Variants in NRXN1 observed in about 807,000 individuals in gnomAD.
NRXN1 encodes neurexin 1, also known as neurexin-1.
Under a neutral mutation model 150.9 loss-of-function variants are expected in NRXN1, and 39 were observed. The observed-to-expected ratio is 0.26, with a 90% CI of 0.20 to 0.34. NRXN1 has a LOEUF of 0.34. NRXN1 is among the 10% of genes least tolerant of loss of function. The pLI is 1.00. For missense variants in NRXN1, 1,815 were observed against 1,949.9 expected (o/e 0.93, Z 1.30); for synonymous variants, 924 against 757.0 (o/e 1.22, Z -3.62).
intron 21 of NRXN1, chr2:50,016,355 T>C (rs1266961259): frequency 6.6e-6 from 1 of 152,160 alleles, no homozygotes; most frequent in Non-Finnish European, 1.5e-5. Flanking sequence ...GGAACTCAAA[T>C]AGGAGAAATG....
chr2:50,582,858 C>A (rs866366733), intron 8 of NRXN1, among the ~76,000 whole-genome samples: 2 of 152,086 alleles, frequency 1.3e-5, no homozygotes, highest in Non-Finnish European at 1.5e-5. Flanking sequence ...CTATCAGAAC[C>A]AGTCCCACGT....
intron 18 of NRXN1, among the ~76,000 whole-genome samples, chr2:50,141,857 T>C (rs1468652551): frequency 6.6e-6 from 1 of 152,062 alleles, no homozygotes; most frequent in Non-Finnish European, 1.5e-5. Context: ...TTGGTGGGGA[T>C]GTAAATTAGT....
At chr2:50,896,248 T>C (rs1681937608) in intron 5 of NRXN1, among the ~76,000 whole-genome samples, 1 of 152,102 alleles carries the variant, frequency 6.6e-6, no homozygotes, top group Non-Finnish European at 1.5e-5. Context: ...ATAACTCAGA[T>C]ATTATGGGAA....
intron 17 of NRXN1, among the ~76,000 whole-genome samples, chr2:50,463,591 C>T (rs909900743): frequency 6.6e-6 from 1 of 151,732 alleles, no homozygotes; most frequent in Admixed American, 6.6e-5. Flanking sequence ...AGTACTATCA[C>T]CCAAGAGCAG....
intron 18 of NRXN1, among the ~76,000 whole-genome samples, chr2:50,145,725 A>C (rs1300883462): frequency 6.6e-6 from 1 of 151,616 alleles, no homozygotes; most frequent in Non-Finnish European, 1.5e-5. Flanking sequence ...TACATCTTGG[A>C]GTCAGAAGAT....
At chr2:50,119,390 C>A (rs181308519) in intron 18 of NRXN1, among the ~76,000 whole-genome samples, 2 of 151,784 alleles carry the variant, frequency 1.3e-5, no homozygotes, top group Admixed American at 6.6e-5. Context: ...TAAGGAGATA[C>A]GTAAGTGTGG....
intron 5 of NRXN1, among the ~76,000 whole-genome samples, chr2:50,827,216 A>G (rs1337629029): frequency 6.6e-6 from 1 of 152,238 alleles, no homozygotes; most frequent in Non-Finnish European, 1.5e-5. Flanking sequence ...TGATACAATG[A>G]ATTAAAATAC....
intron 2 of NRXN1, among the ~76,000 whole-genome samples, chr2:50,939,934 A>T (rs1180367170): frequency 6.6e-6 from 1 of 152,192 alleles, no homozygotes; most frequent in Non-Finnish European, 1.5e-5. Flanking sequence ...ATAGCTGTCA[A>T]TTAAATTTTT....
rs13426386 is a variant in NRXN1, at chr2:51,027,400, C to G, written c.772+102G>C. On this transcript the variant is annotated intron_variant, in intron 2 of 22. Transcript: ENST00000401669. The stretch of plus-strand genomic sequence containing the variant: ...GTCCTTCCCTCGAAGCGAACTGCCA[C>G]ACGTTTGCCAAGATTAGGAAGACCC... The G allele has an allele frequency of 0.097, 119,538 of 1,234,126 alleles. 10,293 individuals carry two copies. The highest frequency in any genetic ancestry group is 0.43 in the African/African-American group (27,470 of 63,666). The allele number at this position is 1,234,126 out of a possible 1,614,324, so 76.4% of individuals were successfully genotyped here. A position where few individuals can be genotyped will look rare whatever the true frequency, so the allele number is the denominator to read the frequency against.
intron 5 of NRXN1, among the ~76,000 whole-genome samples, chr2:50,826,303 A>C (rs1233686844): frequency 6.6e-6 from 1 of 152,186 alleles, no homozygotes; most frequent in Non-Finnish European, 1.5e-5. Flanking sequence ...AAGTAAAAAC[A>C]AGTATGAAAG....
chr2:50,604,441 C>A (rs886899368), intron 8 of NRXN1, among the ~76,000 whole-genome samples: 4 of 152,180 alleles, frequency 2.6e-5, no homozygotes, highest in Admixed American at 2.0e-4. Context: ...ATTACTTTAT[C>A]CATTTCAACA....
At chr2:50,644,864 T>G (rs1026821083) in intron 5 of NRXN1, among the ~76,000 whole-genome samples, 86 of 148,408 alleles carry the variant, frequency 5.8e-4, no homozygotes, top group Admixed American at 2.0e-4. Context: ...TAAGGATATA[T>G]AAATAAAAAA....
chr2:50,788,351 T>C (rs1443750998), intron 5 of NRXN1, among the ~76,000 whole-genome samples: 1 of 152,010 alleles, frequency 6.6e-6, no homozygotes. Flanking sequence ...CCTCCTAAAG[T>C]GCTGGGATTA....
intron 17 of NRXN1, among the ~76,000 whole-genome samples, chr2:50,387,233 A>C (rs1447938905): frequency 6.6e-6 from 1 of 152,200 alleles, no homozygotes; most frequent in African/African-American, 2.4e-5. Context: ...GTTTCCTTTA[A>C]GTAAAGCTAG....
intron 17 of NRXN1, among the ~76,000 whole-genome samples, chr2:50,420,962 CTGTGTGTGTGTGTGTG>C (rs4032055): frequency 0.021 from 2,536 of 120,020 alleles, 42 homozygotes; most frequent in Admixed American, 0.031. Flanking sequence ...CAAAATAGAC[CTGTGTGTGTGTGTGTG>C]TGTGTGTGTG....
chr2:50,274,383 C>T (rs559107711), intron 17 of NRXN1, among the ~76,000 whole-genome samples: 1 of 152,022 alleles, frequency 6.6e-6, no homozygotes, highest in African/African-American at 2.4e-5. Flanking sequence ...CATCATCCAC[C>T]AGGGCCTGCT....
chr2:50,462,283 A>C (rs2088311556), intron 17 of NRXN1, among the ~76,000 whole-genome samples: 1 of 151,984 alleles, frequency 6.6e-6, no homozygotes, highest in South Asian at 2.1e-4. Context: ...ATAAGGAAAA[A>C]GTGATGGCAA....
At chr2:50,559,735 C>G (rs990165995) in intron 8 of NRXN1, among the ~76,000 whole-genome samples, 2 of 151,992 alleles carry the variant, frequency 1.3e-5, no homozygotes, top group African/African-American at 2.4e-5. Context: ...TATCTCTCAA[C>G]AGATATATAG....
Position 50,497,619 on chromosome 2 carries a change from A to T in NRXN1, c.2593T>A (p.Phe865Ile), listed in dbSNP as rs760613485. The T allele has an allele frequency of 6.2e-7, 1 of 1,613,932 alleles. No individual in the cohort carries two copies. The highest frequency in any genetic ancestry group is 2.2e-5 in the East Asian group (1 of 44,868). ...RRYLSSVPSN[F>I]IGHLQSLTFN... ...GTCAAGCTCTGCAGGTGTCCAATGA[A>T]GTTGGAGGGGACAGAAGAAAGATAC... is the stretch of plus-strand genomic sequence containing the variant. The change falls in exon 14 of 23, where the codon TTC (phenylalanine) becomes ATC (isoleucine). Residue 865 changes from phenylalanine (F) to isoleucine (I), a missense_variant. Physicochemically the swap from Phe to Ile is conservative, Grantham distance 21. Coordinates refer to ENST00000401669, the MANE Select transcript of NRXN1 (RefSeq NM_001330078.2).
Sources: gnomAD v4.1 joint callset for allele counts (sites outside exome capture counted in the v4.1 genomes callset) on GRCh38, gnomAD v4.1.1 for gene constraint, MANE v1.5 for transcripts, NCBI Gene and HGNC (gene_info 2026-07-23, HGNC 2026-07-21) for gene names.